Variants in EIF4G3 observed in about 807,000 individuals in gnomAD.
EIF4G3 encodes eukaryotic translation initiation factor 4 gamma 3, also known as eIF-4-gamma 3.
A neutral mutation model predicts 186.4 loss-of-function variants in EIF4G3; 34 were observed. That is an observed-to-expected ratio of 0.18 (90% CI 0.14 to 0.24). The LOEUF (loss-of-function observed/expected upper bound fraction) is 0.24, where lower values mean the gene tolerates loss of function less well. Among genes scored for constraint, EIF4G3 ranks in the 10% least tolerant of loss-of-function variants. The pLI is 1.00. For missense variants in EIF4G3, 1,536 were observed against 1,948.5 expected, an observed-to-expected ratio of 0.79 and a Z score of 3.99; for synonymous variants, 673 against 679.5, an observed-to-expected ratio of 0.99 and a Z score of 0.15.
chr1:20,995,302 T>C (rs913343834), intron 7 of EIF4G3, among the ~76,000 whole-genome samples: 5 of 152,206 alleles, frequency 3.3e-5, no homozygotes, highest in African/African-American at 1.2e-4. Flanking sequence ...AATTTTTTGA[T>C]CAACAGTCTT....
At chr1:20,816,372 G>A (rs1359683750) in intron 34 of EIF4G3, among the ~76,000 whole-genome samples, 1 of 112,932 alleles carries the variant, frequency 8.9e-6, no homozygotes, top group Non-Finnish European at 1.9e-5. Flanking sequence ...GGAGGTGGGG[G>A]GGTCAGCCCC....
chr1:21,106,466 GT>G (rs2096620242), intron 2 of EIF4G3, among the ~76,000 whole-genome samples: 1 of 152,070 alleles, frequency 6.6e-6, no homozygotes, highest in African/African-American at 2.4e-5. Flanking sequence ...ACCAAGAATA[GT>G]TTACAGATAG....
At chr1:21,173,442 T>C (rs2098031393) in intron 2 of EIF4G3, among the ~76,000 whole-genome samples, 3 of 152,092 alleles carry the variant, frequency 2.0e-5, no homozygotes, top group Admixed American at 2.0e-4. Context: ...ATCCCAGCAC[T>C]TTGGGAGGCT....
At chr1:21,096,669 G>A (rs982370606) in intron 2 of EIF4G3, among the ~76,000 whole-genome samples, 5 of 152,120 alleles carry the variant, frequency 3.3e-5, no homozygotes, top group Non-Finnish European at 5.9e-5. Context: ...CATAGATGGG[G>A]ATAATAATAG....
intron 14 of EIF4G3, 89 bp downstream of exon 14, chr1:20,941,402 G>A: frequency 2.5e-6 from 4 of 1,610,702 alleles, no homozygotes; most frequent in Non-Finnish European, 3.4e-6. Context: ...GTTTCTGGAA[G>A]TCAAGGAAAG....
chr1:21,166,759 T>C (rs578153669), intron 2 of EIF4G3, among the ~76,000 whole-genome samples: 22 of 151,844 alleles, frequency 1.4e-4, no homozygotes, highest in Non-Finnish European at 2.9e-4. Flanking sequence ...AATAAATAAA[T>C]GAATTAAGGG....
intron 20 of EIF4G3, among the ~76,000 whole-genome samples, chr1:20,878,172 T>G (rs945708569): frequency 1.3e-5 from 2 of 152,154 alleles, no homozygotes; most frequent in African/African-American, 4.8e-5. Flanking sequence ...CAGCCTGGAA[T>G]TTAATTTTAA....
Position 20,879,370 on chromosome 1 carries a change from G to C in EIF4G3, c.2575C>G (p.Pro859Ala). Residue 859 changes from proline to alanine, a missense_variant, in exon 20 of 37, where the codon CCC becomes GCC. Pro to Ala is a conservative substitution (Grantham distance 27). Coordinates refer to ENST00000602326, the MANE Select transcript of EIF4G3 (RefSeq NM_001391906.1). ...TTTGCGTAAGCCACAGAGAAACTGG[G>C]TTCATCAATAGCCTTCTCAAAGACC... ...DLVFEKAIDE[P>A]SFSVAYANMC... 2 of 1,605,594 alleles carry C rather than the reference G, an allele frequency of 1.2e-6. No homozygotes were observed. Among genetic ancestry groups the C allele is most frequent in the South Asian group, 1.1e-5 (1 of 89,612 alleles).
chr1:20,876,222 CAAAAA>C (rs34150070), intron 20 of EIF4G3, among the ~76,000 whole-genome samples: 2 of 13,978 alleles, frequency 1.4e-4, no homozygotes, highest in Non-Finnish European at 3.1e-4. Flanking sequence ...GAGCCTGTCT[CAAAAA>C]AAAAAAAAAA....
chr1:20,879,991 G>A (rs1366558130), intron 19 of EIF4G3, among the ~76,000 whole-genome samples: 1 of 151,350 alleles, frequency 6.6e-6, no homozygotes, highest in African/African-American at 2.4e-5. Flanking sequence ...ACACTAGGCA[G>A]GAGTCTTTTA....
At chr1:21,139,791 C>T (rs914134117) in intron 2 of EIF4G3, among the ~76,000 whole-genome samples, 3 of 152,134 alleles carry the variant, frequency 2.0e-5, no homozygotes, top group African/African-American at 4.8e-5. Context: ...GCCCTGAACA[C>T]CTGGCCTCAA....
chr1:20,908,426 TTCTC>T (rs1258375994), intron 14 of EIF4G3, among the ~76,000 whole-genome samples: 2 of 152,174 alleles, frequency 1.3e-5, no homozygotes, highest in Non-Finnish European at 2.9e-5. Flanking sequence ...TTTAGGGAGA[TTCTC>T]TGTCTTCTCT....
At chr1:20,911,967 A>G (rs1363909334) in intron 14 of EIF4G3, among the ~76,000 whole-genome samples, 1 of 152,182 alleles carries the variant, frequency 6.6e-6, no homozygotes, top group Non-Finnish European at 1.5e-5. Context: ...ACTGCACTCC[A>G]GCCTGGATGA....
intron 4 of EIF4G3, among the ~76,000 whole-genome samples, chr1:21,006,154 T>C (rs905192930): frequency 4.6e-5 from 7 of 152,230 alleles, no homozygotes; most frequent in Admixed American, 1.3e-4. Context: ...TTACCTATCA[T>C]TGCTGTAAGC....
At chr1:20,926,434 C>T (rs987345923) in intron 14 of EIF4G3, among the ~76,000 whole-genome samples, 1 of 152,194 alleles carries the variant, frequency 6.6e-6, no homozygotes. Context: ...AACCCCAGCA[C>T]TTTGGAAGGC....
intron 4 of EIF4G3, among the ~76,000 whole-genome samples, chr1:21,037,999 T>A (rs930531621): frequency 2.2e-4 from 34 of 152,256 alleles, no homozygotes; most frequent in African/African-American, 6.7e-4. Context: ...AAGGCAGAAA[T>A]GAAAACCACT....
At chr1:21,053,019 G>A (rs1307813976) in intron 3 of EIF4G3, among the ~76,000 whole-genome samples, 1 of 152,076 alleles carries the variant, frequency 6.6e-6, no homozygotes, top group Non-Finnish European at 1.5e-5. Flanking sequence ...TGGGAAGTGA[G>A]GAGCGTCTCT....
intron 2 of EIF4G3, among the ~76,000 whole-genome samples, chr1:21,119,997 C>A (rs1256201592): frequency 6.6e-6 from 1 of 151,722 alleles, no homozygotes; most frequent in Non-Finnish European, 1.5e-5. Context: ...ATATGGGTCT[C>A]ATTCACAATT....
In EIF4G3 at chr1:20,891,616, C is replaced by CAAA. The variant is rs11343165; in HGVS notation, c.2253+1898_2253+1900dup. Among the ~76,000 whole-genome samples the CAAA allele has an allele frequency of 1.4e-3, 114 of 81,624 alleles. 1 individual carries two copies. Among genetic ancestry groups the CAAA allele is most frequent in the African/African-American group, 5.4e-3 (105 of 19,344 alleles). The allele number at this position is 81,624 out of a possible 152,430, so 53.5% of individuals were successfully genotyped here. On this transcript the variant is annotated intron_variant, in intron 18 of 36. Transcript: ENST00000602326. ...TGAAACCCCGTCTCTACTAAAAATA[C>CAAA]AAAAAAAAAAAAAAAAAAAAATTAG...
Sources: gnomAD v4.1 joint callset for allele counts (sites outside exome capture counted in the v4.1 genomes callset) on GRCh38, gnomAD v4.1.1 for gene constraint, MANE v1.5 for transcripts, NCBI Gene and HGNC (gene_info 2026-07-23, HGNC 2026-07-21) for gene names.